Variants in LYPLAL1 observed in about 807,000 individuals in gnomAD.
The protein encoded by LYPLAL1 is lysophospholipase-like protein 1.
LYPLAL1 carries 23 observed loss-of-function variants against 19.7 expected under a neutral mutation model. The observed-to-expected ratio is 1.17, with a 90% CI of 0.84 to 1.65. The LOEUF is 1.65. LYPLAL1 is among the 40% of genes most tolerant of loss of function. The probability of loss-of-function intolerance (pLI) is 0.00; values close to 1 mark genes in which losing one functional copy is unlikely to be tolerated. For missense variants in LYPLAL1, 355 were observed against 279.4 expected (o/e 1.27, Z -1.93); for synonymous variants, 119 against 96.3 (o/e 1.24, Z -1.38).
At chr1:219,218,938 A>G in the LYPLAL1 span, among the ~76,000 whole-genome samples, 1 of 152,140 alleles carries the variant, frequency 6.6e-6, no homozygotes. Context: ...AAGGGTGTGC[A>G]TTAGGAGGCC....
chr1:219,187,416 G>A (rs566187584), intron 2 of LYPLAL1, among the ~76,000 whole-genome samples: 34 of 150,842 alleles, frequency 2.3e-4, no homozygotes, highest in African/African-American at 8.0e-4. Flanking sequence ...TTTTCACTGT[G>A]GTAATTTGGA....
the LYPLAL1 span, among the ~76,000 whole-genome samples, chr1:219,397,167 A>T: frequency 6.6e-6 from 1 of 152,192 alleles, no homozygotes; most frequent in African/African-American, 2.4e-5. Flanking sequence ...ATCTGTTGAG[A>T]TAATCATGTG....
the LYPLAL1 span, among the ~76,000 whole-genome samples, chr1:219,402,449 A>C: frequency 6.6e-6 from 1 of 152,156 alleles, no homozygotes; most frequent in Non-Finnish European, 1.5e-5. Context: ...TATATTTGAA[A>C]AGTGCATTTC....
the LYPLAL1 span, among the ~76,000 whole-genome samples, chr1:219,398,599 G>T: frequency 6.6e-6 from 1 of 152,182 alleles, no homozygotes; most frequent in East Asian, 1.9e-4. Flanking sequence ...TGAGGAGATG[G>T]TGTGGTCATT....
At chr1:219,376,123 T>C in the LYPLAL1 span, among the ~76,000 whole-genome samples, 1 of 152,190 alleles carries the variant, frequency 6.6e-6, no homozygotes, top group Admixed American at 6.5e-5. Context: ...ATGTTATGTA[T>C]ATTTTATCAC....
At chr1:219,386,609 A>G in the LYPLAL1 span, among the ~76,000 whole-genome samples, 1 of 152,188 alleles carries the variant, frequency 6.6e-6, no homozygotes, top group African/African-American at 2.4e-5. Flanking sequence ...ATCTTAAGAC[A>G]TCTCAAGGAT....
chr1:219,258,572 T>C, the LYPLAL1 span, among the ~76,000 whole-genome samples: 5 of 152,092 alleles, frequency 3.3e-5, no homozygotes, highest in Non-Finnish European at 5.9e-5. Flanking sequence ...AATTCAAAAA[T>C]TGTTGAATCT....
the LYPLAL1 span, among the ~76,000 whole-genome samples, chr1:219,365,230 G>A: frequency 1.3e-5 from 2 of 152,044 alleles, no homozygotes; most frequent in African/African-American, 2.4e-5. Context: ...ATCAGTAAGT[G>A]ATCCTCAGTT....
chr1:219,375,248 C>T, the LYPLAL1 span, among the ~76,000 whole-genome samples: 7 of 152,094 alleles, frequency 4.6e-5, no homozygotes, highest in Non-Finnish European at 1.0e-4. Flanking sequence ...AGGCAGATCA[C>T]CTTAGGTCAG....
the LYPLAL1 span, among the ~76,000 whole-genome samples, chr1:219,378,771 A>G: frequency 6.6e-6 from 1 of 152,092 alleles, no homozygotes; most frequent in South Asian, 2.1e-4. Context: ...TGGTCAGCAG[A>G]GACCCAAAGG....
the LYPLAL1 span, among the ~76,000 whole-genome samples, chr1:219,224,340 T>C: frequency 6.6e-6 from 1 of 152,144 alleles, no homozygotes; most frequent in African/African-American, 2.4e-5. Context: ...AGAAAAAATA[T>C]CAATTTCAAA....
At chr1:219,341,980 T>C in the LYPLAL1 span, among the ~76,000 whole-genome samples, 1 of 152,134 alleles carries the variant, frequency 6.6e-6, no homozygotes, top group African/African-American at 2.4e-5. Flanking sequence ...TTCTCAATAC[T>C]TTTTATTAGA....
At chr1:219,255,045 CG>C in the LYPLAL1 span, among the ~76,000 whole-genome samples, 1 of 151,674 alleles carries the variant, frequency 6.6e-6, no homozygotes, top group Non-Finnish European at 1.5e-5. Flanking sequence ...TTCCTCAGCT[CG>C]GTTTATTCTG....
the LYPLAL1 span, among the ~76,000 whole-genome samples, chr1:219,423,581 C>A: frequency 1.3e-5 from 2 of 152,202 alleles, no homozygotes; most frequent in Non-Finnish European, 2.9e-5. Flanking sequence ...TCCAATGAGA[C>A]AACTTCATTG....
At chr1:219,249,018 G>A in the LYPLAL1 span, among the ~76,000 whole-genome samples, 1 of 151,840 alleles carries the variant, frequency 6.6e-6, no homozygotes, top group Non-Finnish European at 1.5e-5. Flanking sequence ...AATATATTGG[G>A]ACCATTATTC....
the LYPLAL1 span, among the ~76,000 whole-genome samples, chr1:219,396,322 G>T: frequency 0.4 from 61,033 of 151,780 alleles, 12,388 homozygotes; most frequent in Admixed American, 0.47. Flanking sequence ...TATCATGCTG[G>T]TTTGATTACT....
chr1:219,299,945 A>C, the LYPLAL1 span, among the ~76,000 whole-genome samples: 1 of 152,162 alleles, frequency 6.6e-6, no homozygotes. Flanking sequence ...GTGGGACTCA[A>C]CCTACCAGGG....
chr1:219,330,147 T>G, the LYPLAL1 span, among the ~76,000 whole-genome samples: 35 of 152,238 alleles, frequency 2.3e-4, 1 homozygote, highest in Admixed American at 4.6e-4. Flanking sequence ...AAATTAAACT[T>G]TCCATAGACA....
chr1:219,198,082 T>G (rs148202465), intron 3 of LYPLAL1, among the ~76,000 whole-genome samples: 8 of 152,282 alleles, frequency 5.3e-5, no homozygotes, highest in African/African-American at 1.9e-4. Flanking sequence ...TTCCATTTTC[T>G]TCTTGAGAAA....
Sources: gnomAD v4.1 joint callset for allele counts (sites outside exome capture counted in the v4.1 genomes callset) on GRCh38, gnomAD v4.1.1 for gene constraint, MANE v1.5 for transcripts, NCBI Gene and HGNC (gene_info 2026-07-23, HGNC 2026-07-21) for gene names.